B4GALNT2: variants seen among roughly 807,000 people sequenced by gnomAD.
B4GALNT2 encodes the protein N-acetylneuraminylgalactosylglucosyl-glucoside beta-1,4-N- acetylgalactosaminyltransferase 2.
B4GALNT2 carries 42 observed loss-of-function variants against 51.1 expected under a neutral mutation model. That is an observed-to-expected ratio of 0.82 (90% CI 0.64 to 1.06). B4GALNT2 has a LOEUF of 1.06. Among genes scored for constraint, B4GALNT2 ranks in the 50% least tolerant of loss-of-function variants. The pLI, the probability that B4GALNT2 is intolerant of heterozygous loss-of-function variation, is 0.00. For synonymous variants in B4GALNT2, 253 were observed against 251.7 expected (o/e 1.01, Z -0.05); for missense variants, 602 against 633.6 (o/e 0.95, Z 0.54).
At chr17:49,152,326 C>T (rs554662605) in intron 3 of B4GALNT2, among the ~76,000 whole-genome samples, 3 of 152,262 alleles carry the variant, frequency 2.0e-5, no homozygotes, top group South Asian at 2.1e-4. Flanking sequence ...TGCTGCGAGC[C>T]GTGATTGTGC....
At chr17:49,165,007 T>A (rs1275680017) in intron 8 of B4GALNT2, among the ~76,000 whole-genome samples, 1 of 151,940 alleles carries the variant, frequency 6.6e-6, no homozygotes, top group Non-Finnish European at 1.5e-5. Flanking sequence ...AGAGATGGGG[T>A]CTCACTGTGT....
chr17:49,142,301 C>G, intron 3 of B4GALNT2, 129 bp downstream of exon 3: 1 of 1,177,796 alleles, frequency 8.5e-7, no homozygotes, highest in African/African-American at 1.5e-5. Flanking sequence ...CTGGGAGGAA[C>G]TATTAGGAAT....
At chr17:49,146,434 C>G (rs1278751466) in intron 3 of B4GALNT2, among the ~76,000 whole-genome samples, 2 of 152,140 alleles carry the variant, frequency 1.3e-5, no homozygotes, top group South Asian at 2.1e-4. Flanking sequence ...GCTTAGCCAC[C>G]CGAGTAGTTG....
chr17:49,150,696 T>G (rs1286189342), intron 3 of B4GALNT2, among the ~76,000 whole-genome samples: 2 of 151,310 alleles, frequency 1.3e-5, no homozygotes, highest in African/African-American at 2.4e-5. Context: ...GTGCAAGATG[T>G]GCTTTGTTAA....
intron 3 of B4GALNT2, among the ~76,000 whole-genome samples, chr17:49,142,742 A>G (rs2042656841): frequency 6.6e-6 from 1 of 152,066 alleles, no homozygotes; most frequent in African/African-American, 2.4e-5. Flanking sequence ...AACAAAAGGA[A>G]TGGAGATAGT....
At chr17:49,161,395 T>C (rs554007423) in intron 7 of B4GALNT2, among the ~76,000 whole-genome samples, 3 of 151,944 alleles carry the variant, frequency 2.0e-5, no homozygotes, top group East Asian at 1.9e-4. Flanking sequence ...AGATAAAAAG[T>C]TGGATCCAAG....
In B4GALNT2 at chr17:49,168,854, C is replaced by T. The variant is rs889127592; in HGVS notation, c.1269C>T (p.Leu423=). The stretch of plus-strand genomic sequence containing the variant: ...TCTTCCTGGCCCACACGGAGCGACT[C>T]CAAAGAGTTGGCTTTGATCCCCGCC... ...VNFFLAHTER[L]QRVGFDPRLQ... Residue 423 remains leucine (L), a synonymous_variant, in exon 10 of 11, where the codon CTC becomes CTT. Transcript: ENST00000393354. The T allele has an allele frequency of 6.2e-7, 1 of 1,613,374 alleles. No individual in the cohort carries two copies. Among genetic ancestry groups the T allele is most frequent in the South Asian group, 1.1e-5 (1 of 91,024 alleles).
intron 8 of B4GALNT2, 72 bp downstream of exon 8, chr17:49,164,347 G>A (rs1318803181): frequency 1.4e-6 from 2 of 1,398,492 alleles, no homozygotes; most frequent in African/African-American, 1.4e-5. Flanking sequence ...TTCTACCCTG[G>A]ATGGGGCCGC....
intron 1 of B4GALNT2, 90 bp from the exon 2 acceptor site, chr17:49,141,157 T>G (rs1309579965): frequency 7.9e-7 from 1 of 1,271,882 alleles, no homozygotes; most frequent in Non-Finnish European, 1.1e-6. Flanking sequence ...TGTGCTTAGC[T>G]TACATTTTTC....
rs139177834 is a variant in B4GALNT2 at position 49,164,215 on chromosome 17, C to T, written c.894C>T (p.Ser298=). 4,486 of 1,613,592 alleles carry T rather than the reference C, an allele frequency of 2.8e-3. 60 individuals carry two copies. Among genetic ancestry groups the T allele is most frequent in the South Asian group, 9.1e-3 (829 of 91,072 alleles). ...PDLTVIVADD[S]QKPLEIKDNH... ...TGACCGTAATAGTGGCTGATGACAG[C>T]CAGAAGCCCCTGGAAATTAAAGACA... The change falls in exon 8 of 11, where the codon AGC becomes AGT. Residue 298 remains serine (S), a synonymous_variant. Coordinates refer to ENST00000393354, the MANE Select transcript of B4GALNT2 (RefSeq NM_001159387.2).
At chr17:49,128,049 C>CTTT (rs568613326), upstream of B4GALNT2, among the ~76,000 whole-genome samples, 1 of 151,946 alleles carries the variant, frequency 6.6e-6, no homozygotes, top group African/African-American at 2.4e-5. Context: ...GCTGAGCACT[C>CTTT]TTTTTTTTAT....
At chr17:49,147,845 A>G (rs1407769605) in intron 3 of B4GALNT2, among the ~76,000 whole-genome samples, 1 of 147,964 alleles carries the variant, frequency 6.8e-6, no homozygotes, top group Non-Finnish European at 1.5e-5. Context: ...TATGTTATAT[A>G]TATATGTGTG....
intron 3 of B4GALNT2, among the ~76,000 whole-genome samples, chr17:49,151,933 T>C (rs2042760471): frequency 1.3e-5 from 2 of 152,196 alleles, no homozygotes; most frequent in South Asian, 4.1e-4. Flanking sequence ...CCTTTGGATA[T>C]TAAGGACCAT....
chr17:49,132,789 C>T lies in B4GALNT2; in HGVS notation c.-4C>T, dbSNP rs752703145. On this transcript the variant is annotated 5_prime_UTR_variant, in exon 1 of 11. Coordinates refer to ENST00000393354, the MANE Select transcript of B4GALNT2 (RefSeq NM_001159387.2). ...CCGGCAGTCTGAGGGCGGCGGGATT[C>T]GGGATGACTTCGGGCGGGTGAGTGT... is the stretch of plus-strand genomic sequence containing the variant. The T allele has an allele frequency of 6.0e-5, 82 of 1,377,398 alleles. No homozygotes were observed. Among genetic ancestry groups the T allele is most frequent in the Non-Finnish European group, 7.4e-5 (79 of 1,063,688 alleles). 85.3% of individuals were successfully genotyped at this position (1,377,398 alleles called of 1,614,324 possible).
chr17:49,169,559 G>A lies in B4GALNT2; in HGVS notation c.1352G>A (p.Gly451Glu), dbSNP rs770624752. The A allele has an allele frequency of 1.2e-6, 2 of 1,612,466 alleles. No homozygotes were observed. Among genetic ancestry groups the A allele is most frequent in the South Asian group, 2.2e-5 (2 of 91,008 alleles). ...GATGGGCTAGGGACCCTACTCGTGG[G>A]GTCATGCCCAGAAGTGATTATAGGT... is the stretch of plus-strand genomic sequence containing the variant. Reference protein sequence around the residue: ...FIDGLGTLLVGSCPEVIIGHQ... With the variant: ...FIDGLGTLLVESCPEVIIGHQ... The change falls in exon 11 of 11, where the codon GGG becomes GAG. Residue 451 changes from glycine to glutamate, a missense_variant. Physicochemically the swap from Gly to Glu is moderately conservative, Grantham distance 98. Coordinates refer to ENST00000393354, the MANE Select transcript of B4GALNT2 (RefSeq NM_001159387.2).
rs1406312715 is a variant in B4GALNT2 at position 49,169,810 on chromosome 17, GTGAACGT to G, written c.*85_*91del. 7.5e-7 allele frequency: 1 copy of G among 1,324,788 alleles called. No homozygotes were observed. The highest frequency in any genetic ancestry group is 1.0e-6 in the Non-Finnish European group (1 of 987,650). 82.1% of individuals were successfully genotyped at this position (1,324,788 alleles called of 1,614,324 possible). On this transcript the variant is annotated 3_prime_UTR_variant, in exon 11 of 11. Transcript: ENST00000393354. ...CCACCAAAAACTGGACTCCTGATAG[GTGAACGT>G]TGTACCAAACCAGCTGGTGGGTAGG...
intron 3 of B4GALNT2, among the ~76,000 whole-genome samples, chr17:49,143,737 G>A (rs1446685187): frequency 2.0e-5 from 3 of 152,160 alleles, no homozygotes; most frequent in East Asian, 1.9e-4. Context: ...CTAACAGCAC[G>A]GTGCTGGCAT....
chr17:49,143,024 G>A lies in B4GALNT2; in HGVS notation c.353+852G>A, dbSNP rs55818038. 8.8e-3 allele frequency among the ~76,000 whole-genome samples: 1,336 copies of A among 152,222 alleles called. 24 individuals are homozygous for A. The highest frequency in any genetic ancestry group is 0.03 in the African/African-American group (1,258 of 41,526). Reference sequence around the variant, plus strand: ...AACACTTTGGGAGACTGAGGTGGGCGGATCACTTGAGGTCAGGAGTTCGAG... The same window carrying A: ...AACACTTTGGGAGACTGAGGTGGGCAGATCACTTGAGGTCAGGAGTTCGAG... On this transcript the variant is annotated intron_variant, in intron 3 of 10. Coordinates refer to ENST00000393354, the MANE Select transcript of B4GALNT2 (RefSeq NM_001159387.2).
At chr17:49,151,744 CAA>C (rs58844179) in intron 3 of B4GALNT2, among the ~76,000 whole-genome samples, 195 of 99,076 alleles carry the variant, frequency 2.0e-3, no homozygotes, top group African/African-American at 5.8e-3. Context: ...GACTCTGTCA[CAA>C]AAAAAAAAAA....
Sources: allele counts gnomAD v4.1 joint callset (sites outside exome capture counted in the v4.1 genomes callset), GRCh38; gene constraint gnomAD v4.1.1; transcripts MANE v1.5; gene names NCBI Gene and HGNC (gene_info 2026-07-23, HGNC 2026-07-21).